ERBIN: variants seen among roughly 807,000 people sequenced by gnomAD.
The protein encoded by ERBIN is densin-180-like protein.
A neutral mutation model predicts 158.4 loss-of-function variants in ERBIN; 60 were observed. The observed-to-expected ratio is 0.38, with a 90% CI of 0.31 to 0.47. The LOEUF (loss-of-function observed/expected upper bound fraction) is 0.47, where lower values mean the gene tolerates loss of function less well. Ranked by LOEUF, ERBIN falls within the 20% of genes least tolerant of loss-of-function variation. The pLI is 0.99. For missense variants in ERBIN, 1,610 were observed against 1,648.0 expected, an observed-to-expected ratio of 0.98 and a Z score of 0.40; for synonymous variants, 594 against 557.2, an observed-to-expected ratio of 1.07 and a Z score of -0.93.
Position 66,053,751 on chromosome 5 carries a change from C to G in ERBIN, c.2433C>G (p.Asn811Lys). ...KEETEHLENG[N>K]KYPNLESVNK... is the part of the protein sequence containing the mutation. ...AAACTGAGCACTTGGAAAATGGAAA[C>G]AAGTATCCTAATTTGGAATCCGTAA... Residue 811 changes from asparagine to lysine, a missense_variant, in exon 21 of 26, where the codon AAC becomes AAG. This residue lies in a region of ERBIN where 1,014 missense variants were observed against 936.1 expected (regional missense o/e 1.08). Coordinates refer to ENST00000284037, the MANE Select transcript of ERBIN (RefSeq NM_001253697.2). 6.2e-7 allele frequency: 1 copy of G among 1,613,700 alleles called. No individual in the cohort carries two copies. Among genetic ancestry groups the G allele is most frequent in the Non-Finnish European group, 8.5e-7 (1 of 1,179,960 alleles).
Position 66,063,194 on chromosome 5 carries a change from C to T in ERBIN, c.3633+8243C>T, listed in dbSNP as rs191584137. ...GAGCTGTGGTGGGCTTCACCCAGTT[C>T]GAGCTTCCCAGCTGCTTTGGTTACC... On this transcript the variant is annotated intron_variant, in intron 21 of 25. Coordinates refer to ENST00000284037, the MANE Select transcript of ERBIN (RefSeq NM_001253697.2). Among the ~76,000 whole-genome samples the T allele has an allele frequency of 1.8e-4, 28 of 152,352 alleles. No individual in the cohort carries two copies. In the East Asian group the frequency reaches 3.7e-3, roughly 20 times the overall value.
chr5:66,018,508 A>ATATTATATAATATATAT (rs1755155338), intron 7 of ERBIN, among the ~76,000 whole-genome samples: 8 of 10,060 alleles, frequency 8.0e-4, no homozygotes, highest in African/African-American at 2.6e-3. Flanking sequence ...AATATATATT[A>ATATTATATAATATATAT]TATATTATAT....
intron 10 of ERBIN, 60 bp from the exon 11 acceptor site, chr5:66,025,418 CTG>C: frequency 8.2e-7 from 1 of 1,212,154 alleles, no homozygotes; most frequent in Non-Finnish European, 1.2e-6. Context: ...CTCACACTGA[CTG>C]TTGGTGGACT....
rs1184572073 is a variant in ERBIN at position 66,081,679 on chromosome 5, T to C, written c.*3149T>C. The C allele has an allele frequency of 6.6e-6, 1 of 152,104 alleles. No individual in the cohort carries two copies. The highest frequency in any genetic ancestry group is 1.5e-5 in the Non-Finnish European group (1 of 67,964). The allele number at this position is 152,104 out of a possible 1,614,324, so 9.4% of individuals were successfully genotyped here. On this transcript the variant is annotated 3_prime_UTR_variant, in exon 26 of 26. Coordinates refer to ENST00000284037, the MANE Select transcript of ERBIN (RefSeq NM_001253697.2). ...AGTGTAGTTTATCTCAAATTATTAT[T>C]ATTTACTTCTAAAGGGAGGCATTAA...
chr5:66,011,559 C>T (rs1403963671), intron 4 of ERBIN, among the ~76,000 whole-genome samples: 3 of 152,014 alleles, frequency 2.0e-5, no homozygotes, highest in Non-Finnish European at 2.9e-5. Flanking sequence ...TGGTGGCGGG[C>T]GCCTGTAATC....
intron 1 of ERBIN, among the ~76,000 whole-genome samples, chr5:65,973,458 A>G (rs1184057685): frequency 6.6e-6 from 1 of 151,286 alleles, no homozygotes; most frequent in Non-Finnish European, 1.5e-5. Context: ...TGTCTCTTCC[A>G]GATTAATTTG....
chr5:66,028,132 T>C (rs771067493), intron 13 of ERBIN, 142 bp from the exon 14 acceptor site: 6 of 526,046 alleles, frequency 1.1e-5, no homozygotes, highest in Non-Finnish European at 2.0e-5. Flanking sequence ...AAGAATTATA[T>C]TGGACTTTTC....
intron 1 of ERBIN, among the ~76,000 whole-genome samples, chr5:65,930,999 CG>C (rs1743306032): frequency 7.1e-6 from 1 of 140,682 alleles, no homozygotes; most frequent in African/African-American, 3.3e-5. Flanking sequence ...GTGTGGAAGA[CG>C]ATAGAAAAGG....
intron 1 of ERBIN, among the ~76,000 whole-genome samples, chr5:65,942,833 A>G (rs1449936644): frequency 1.3e-5 from 2 of 151,744 alleles, no homozygotes; most frequent in African/African-American, 4.8e-5. Flanking sequence ...GCTTGAACTC[A>G]GGAGGCGGAG....
Position 66,050,861 on chromosome 5 carries a change from C to T in ERBIN, c.1982C>T (p.Pro661Leu). ...SNQNNSNCSS[P>L]SRMSDSVSLN... ...CAGAATAACAGCAATTGTTCTTCTCCATCTCGGATGTCTGATTCAGTTTCT... is the reference window on the plus strand; with the variant it reads ...CAGAATAACAGCAATTGTTCTTCTCTATCTCGGATGTCTGATTCAGTTTCT... The change falls in exon 20 of 26, where the codon CCA becomes CTA. Residue 661 changes from proline (P) to leucine (L), a missense_variant. Physicochemically the swap from Pro to Leu is moderately conservative, Grantham distance 98. This residue lies in a region of ERBIN where 1,014 missense variants were observed against 936.1 expected (regional missense o/e 1.08). Transcript: ENST00000284037. 6.2e-7 allele frequency: 1 copy of T among 1,602,450 alleles called. No homozygotes were observed. The highest frequency in any genetic ancestry group is 8.5e-7 in the Non-Finnish European group (1 of 1,175,204).
At chr5:66,036,471 C>A (rs1396955789) in intron 14 of ERBIN, among the ~76,000 whole-genome samples, 1 of 152,180 alleles carries the variant, frequency 6.6e-6, no homozygotes, top group East Asian at 1.9e-4. Flanking sequence ...TTCTTACCTT[C>A]TTATCCTCAC....
At chr5:65,959,407 A>T (rs1747669032) in intron 1 of ERBIN, among the ~76,000 whole-genome samples, 3 of 152,164 alleles carry the variant, frequency 2.0e-5, no homozygotes, top group Non-Finnish European at 4.4e-5. Flanking sequence ...TTAAAAACAC[A>T]GTTGATAGTG....
At chr5:66,012,199 C>A in intron 5 of ERBIN, 72 bp downstream of exon 5, 1 of 963,870 alleles carries the variant, frequency 1.0e-6, no homozygotes, top group South Asian at 1.9e-5. Flanking sequence ...TATTATTGTA[C>A]ATATTTTAAC....
chr5:65,957,595 G>A (rs1747335224), intron 1 of ERBIN, among the ~76,000 whole-genome samples: 1 of 152,100 alleles, frequency 6.6e-6, no homozygotes, highest in Non-Finnish European at 1.5e-5. Flanking sequence ...GAACAAAATG[G>A]AGTCTCCCAT....
At chr5:65,961,246 A>G (rs571655738) in intron 1 of ERBIN, 12 of 152,182 alleles carry the variant, frequency 7.9e-5, no homozygotes, top group Non-Finnish European at 1.6e-4. Flanking sequence ...ATGCACAAGC[A>G]AGTGTTCTGG....
intron 1 of ERBIN, among the ~76,000 whole-genome samples, chr5:65,982,453 T>C (rs1750759330): frequency 6.6e-6 from 1 of 152,186 alleles, no homozygotes; most frequent in Non-Finnish European, 1.5e-5. Flanking sequence ...TTATGGAGAA[T>C]TGTCTTTCAA....
At chr5:66,063,367 C>T (rs867629483) in intron 21 of ERBIN, among the ~76,000 whole-genome samples, 3 of 152,158 alleles carry the variant, frequency 2.0e-5, no homozygotes, top group African/African-American at 2.4e-5. Context: ...TCCTGGTGTG[C>T]GGTTTGTTAA....
At chr5:65,960,329 TA>T (rs1243934399) in intron 1 of ERBIN, among the ~76,000 whole-genome samples, 1 of 152,158 alleles carries the variant, frequency 6.6e-6, no homozygotes, top group Non-Finnish European at 1.5e-5. Context: ...GATTGCTTGG[TA>T]GGGGCATTGA....
chr5:66,045,883 C>A (rs1377112329), intron 17 of ERBIN, among the ~76,000 whole-genome samples: 2 of 152,214 alleles, frequency 1.3e-5, no homozygotes, highest in Non-Finnish European at 2.9e-5. Context: ...AGACAGTTGG[C>A]ATTTCCTTGC....
Sources: allele counts gnomAD v4.1 joint callset (sites outside exome capture counted in the v4.1 genomes callset), GRCh38; gene constraint gnomAD v4.1.1; regional missense constraint gnomAD v4.1.1; transcripts MANE v1.5; gene names NCBI Gene and HGNC (gene_info 2026-07-23, HGNC 2026-07-21).